The following HPX variants were observed in gnomAD, a reference collection of about 807,000 sequenced individuals.
HPX encodes hemopexin.
A neutral mutation model predicts 53.8 loss-of-function variants in HPX; 42 were observed. That is an observed-to-expected ratio of 0.78 (90% confidence interval 0.61 to 1.01). The LOEUF (loss-of-function observed/expected upper bound fraction) is 1.01, where lower values mean the gene tolerates loss of function less well. HPX is among the 50% of genes least tolerant of loss of function. The probability of loss-of-function intolerance (pLI) is 0.00; values close to 1 mark genes in which losing one functional copy is unlikely to be tolerated. For synonymous variants in HPX, 229 were observed against 221.1 expected (o/e 1.04, Z -0.32); for missense variants, 547 against 594.3 (o/e 0.92, Z 0.83).
Position 6,431,869 on chromosome 11 carries a change from C to G in HPX, c.966+18G>C, listed in dbSNP as rs1180192534. ...GCTTGTCCCAGTCTCTACCTCAAGC[C>G]TCTCCCCCAATACACACCTGGACCA... On this transcript the variant is annotated intron_variant, in intron 8 of 9. Transcript: ENST00000265983. 5.6e-6 allele frequency: 9 copies of G among 1,614,036 alleles called. No homozygotes were observed. Among genetic ancestry groups the G allele is most frequent in the Non-Finnish European group, 6.8e-6 (8 of 1,180,014 alleles).
chr11:6,436,300 C>T (rs994232154), intron 7 of HPX, among the ~76,000 whole-genome samples: 1 of 152,194 alleles, frequency 6.6e-6, no homozygotes, highest in Non-Finnish European at 1.5e-5. Context: ...CCTAATTATA[C>T]ATATATCTCA....
Position 6,437,574 on chromosome 11 carries a change from G to A in HPX, c.569C>T (p.Ser190Phe). ...RSWPAVGNCS[S>F]ALRWLGRYYC... ...GTAGCGGCCCAGCCATCTCAGGGCAGAGGAGCAGTTCCCAACAGCTGGCCA... is the reference window on the plus strand; with the variant it reads ...GTAGCGGCCCAGCCATCTCAGGGCAAAGGAGCAGTTCCCAACAGCTGGCCA... Residue 190 changes from serine to phenylalanine, a missense_variant, in exon 6 of 10, where the codon TCT (serine) becomes TTT (phenylalanine). Physicochemically the swap from Ser to Phe is radical, Grantham distance 155. Coordinates refer to ENST00000265983, the MANE Select transcript of HPX (RefSeq NM_000613.3). The A allele has an allele frequency of 6.2e-7, 1 of 1,614,232 alleles. No individual in the cohort carries two copies. The highest frequency in any genetic ancestry group is 2.2e-5 in the East Asian group (1 of 44,886).
At chr11:6,440,422 GAGTA>G (rs1054894419) in intron 3 of HPX, 41 bp downstream of exon 3, 1 of 1,591,120 alleles carries the variant, frequency 6.3e-7, no homozygotes, top group African/African-American at 1.4e-5. Context: ...TTGTGAAGGA[GAGTA>G]AGTCTAAGGT....
Position 6,431,913 on chromosome 11 carries a change from A to G in HPX, c.940T>C (p.Trp314Arg), listed in dbSNP as rs1849355423. The G allele has an allele frequency of 6.2e-7, 1 of 1,614,046 alleles. No individual in the cohort carries two copies. Among genetic ancestry groups the G allele is most frequent in the African/African-American group, 1.3e-5 (1 of 74,912 alleles). ...GPSAVDAAFSWEEKLYLVQGT... is the reference protein window; with the variant it reads ...GPSAVDAAFSREEKLYLVQGT... ...TGGACCAGATAGAGTTTTTCTTCCC[A>G]GGAAAAGGCAGCATCCACTGCTGAA... is the stretch of plus-strand genomic sequence containing the variant. The change falls in exon 8 of 10, where the codon TGG (tryptophan) becomes CGG (arginine). Residue 314 changes from tryptophan (W) to arginine (R), a missense_variant. Coordinates refer to ENST00000265983, the MANE Select transcript of HPX (RefSeq NM_000613.3).
In HPX at chr11:6,439,851, G is replaced by A. The variant is rs111877258; in HGVS notation, c.336+314C>T. Reference sequence around the variant, plus strand: ...GGAACAACTTGCCTTGCCCTATGAAGAGGACTTGATACAGGGTCATGGAAG... The same window carrying A: ...GGAACAACTTGCCTTGCCCTATGAAAAGGACTTGATACAGGGTCATGGAAG... On this transcript the variant is annotated intron_variant, in intron 4 of 9. Coordinates refer to ENST00000265983, the MANE Select transcript of HPX (RefSeq NM_000613.3). 6.1e-3 allele frequency: 2,362 copies of A among 388,002 alleles called. 51 individuals are homozygous for A. The highest frequency in any genetic ancestry group is 0.043 in the African/African-American group (2,090 of 48,110). 24.0% of individuals were successfully genotyped at this position (388,002 alleles called of 1,614,324 possible).
chr11:6,438,430 A>T lies in HPX; in HGVS notation c.416T>A (p.Ile139Asn). The change falls in exon 5 of 10, where the codon ATC becomes AAC. Residue 139 changes from isoleucine (I) to asparagine (N), a missense_variant. Ile to Asn is a moderately radical substitution (Grantham distance 149). Coordinates refer to ENST00000265983, the MANE Select transcript of HPX (RefSeq NM_000613.3). Reference sequence around the variant, plus strand: ...CACAGCTGCATCCAGTGGGGATGGGATTCCAGGAAATTCATCTTGGAGCAA... The same window carrying T: ...CACAGCTGCATCCAGTGGGGATGGGTTTCCAGGAAATTCATCTTGGAGCAA... ...PKLLQDEFPG[I>N]PSPLDAAVEC... 1 of 1,614,032 alleles carries T rather than the reference A, an allele frequency of 6.2e-7. No homozygotes were observed. Among genetic ancestry groups the T allele is most frequent in the Non-Finnish European group, 8.5e-7 (1 of 1,179,884 alleles).
Position 6,437,436 on chromosome 11 carries a change from T to G in HPX, c.703+4A>C, listed in dbSNP as rs1165903205. ...ACAGGTCTCAAGTGCTAGGGCTTTC[T>G]CACCTCTGCCAGGGCAGGGCATGAA... On this transcript the variant is annotated splice_donor_region_variant and intron_variant, in intron 6 of 9. Coordinates refer to ENST00000265983, the MANE Select transcript of HPX (RefSeq NM_000613.3). The G allele has an allele frequency of 1.2e-6, 2 of 1,612,308 alleles. No homozygotes were observed. The highest frequency in any genetic ancestry group is 2.7e-5 in the African/African-American group (2 of 74,866).
Position 6,437,509 on chromosome 11 carries a change from C to G in HPX, c.634G>C (p.Val212Leu). The G allele has an allele frequency of 6.2e-7, 1 of 1,614,214 alleles. No homozygotes were observed. Among genetic ancestry groups the G allele is most frequent in the Non-Finnish European group, 8.5e-7 (1 of 1,180,036 alleles). Reference protein sequence around the residue: ...QGNQFLRFDPVRGEVPPRYPR... With the variant: ...QGNQFLRFDPLRGEVPPRYPR... ...TACCTGGGAGGCACCTCTCCCCTGA[C>G]AGGGTCGAAGCGCAGGAATTGGTTA... The change falls in exon 6 of 10, where the codon GTC (valine) becomes CTC (leucine). Residue 212 changes from valine to leucine, a missense_variant. By Grantham distance (32) the Val-to-Leu change is conservative. Coordinates refer to ENST00000265983, the MANE Select transcript of HPX (RefSeq NM_000613.3).
chr11:6,433,782 G>A (rs1466093146), intron 7 of HPX, among the ~76,000 whole-genome samples: 5 of 152,132 alleles, frequency 3.3e-5, no homozygotes, highest in East Asian at 1.9e-4. Flanking sequence ...GGCCACTGCC[G>A]TCCCTGCCCT....
chr11:6,439,800 T>A (rs1248354271), intron 4 of HPX: 2 of 329,808 alleles, frequency 6.1e-6, no homozygotes, highest in Non-Finnish European at 1.2e-5. Context: ...CTCCACATGC[T>A]CTTCTAGCCA....
chr11:6,437,331 C>A, intron 6 of HPX, 109 bp downstream of exon 6: 1 of 1,375,708 alleles, frequency 7.3e-7, no homozygotes, highest in Non-Finnish European at 1.0e-6. Flanking sequence ...AGATTAAGGG[C>A]CAAGGTGTCG....
At chr11:6,439,386 G>A (rs1849456998) in intron 4 of HPX, among the ~76,000 whole-genome samples, 1 of 152,208 alleles carries the variant, frequency 6.6e-6, no homozygotes, top group Admixed American at 6.5e-5. Flanking sequence ...AGGAGGAAAG[G>A]TTGGTTTGTA....
intron 7 of HPX, among the ~76,000 whole-genome samples, chr11:6,435,296 C>T (rs953751089): frequency 2.6e-5 from 4 of 151,682 alleles, no homozygotes; most frequent in Non-Finnish European, 4.4e-5. Flanking sequence ...ACAACAACAA[C>T]AAAACTGTGA....
chr11:6,440,249 C>T lies in HPX; in HGVS notation c.252G>A (p.Glu84=), dbSNP rs1272085222. Residue 84 remains glutamate, a synonymous_variant, in exon 4 of 10, where the codon GAG becomes GAA. Coordinates refer to ENST00000265983, the MANE Select transcript of HPX (RefSeq NM_000613.3). ...AATTCTTCCATCTCTCTGAGATTAA[C>T]TCCCGGTCCCATTTGTGACTCTTCC... is the stretch of plus-strand genomic sequence containing the variant. ...FVWKSHKWDR[E]LISERWKNFP... is the part of the protein sequence containing the mutation. 1.9e-6 allele frequency: 3 copies of T among 1,614,036 alleles called. No homozygotes were observed. The highest frequency in any genetic ancestry group is 1.7e-6 in the Non-Finnish European group (2 of 1,180,014).
Position 6,431,213 on chromosome 11 carries a change from A to G in HPX, c.1387T>C (p.Ter463ArgextTer4), listed in dbSNP as rs757032183. The G allele has an allele frequency of 1.2e-6, 2 of 1,614,062 alleles. No individual in the cohort carries two copies. The highest frequency in any genetic ancestry group is 1.7e-6 in the Non-Finnish European group (2 of 1,180,012). ...NVTSLLGCTH[*>R] ...CCAGACTCATGTCAGAAGGCCCCTC[A>G]GTGAGTGCAGCCCAGGAGACTGGTC... is the stretch of plus-strand genomic sequence containing the variant. The change falls in exon 10 of 10, where the codon TGA (stop) becomes CGA (arginine). Residue 463 changes from the stop codon to arginine, a stop_lost. Transcript: ENST00000265983.
chr11:6,431,495 C>T, intron 9 of HPX, 25 bp from the exon 10 acceptor site: 4 of 1,613,404 alleles, frequency 2.5e-6, no homozygotes, highest in Non-Finnish European at 2.5e-6. Context: ...CCAAACATAG[C>T]ATGGCTTCCA....
chr11:6,440,392 C>T (rs757628011), intron 3 of HPX, 75 bp downstream of exon 3: 138 of 1,592,642 alleles, frequency 8.7e-5, no homozygotes, highest in Non-Finnish European at 1.1e-4. Context: ...CCTAAGACCT[C>T]CCACAGACAG....
chr11:6,435,491 G>C (rs182152792), intron 7 of HPX, among the ~76,000 whole-genome samples: 2 of 151,794 alleles, frequency 1.3e-5, no homozygotes, highest in African/African-American at 2.4e-5. Context: ...TTGAGACATG[G>C]TCTCACTCTG....
At chr11:6,436,749 G>C (rs1054729919) in intron 7 of HPX, among the ~76,000 whole-genome samples, 2 of 152,344 alleles carry the variant, frequency 1.3e-5, no homozygotes, top group South Asian at 4.1e-4. Context: ...AGAGGGCTCA[G>C]CAGGGCATTG....
Sources: allele counts gnomAD v4.1 joint callset (sites outside exome capture counted in the v4.1 genomes callset), GRCh38; gene constraint gnomAD v4.1.1; transcripts MANE v1.5; gene names NCBI Gene and HGNC (gene_info 2026-07-23, HGNC 2026-07-21).